The following PTPRD variants were observed in gnomAD, a reference collection of about 807,000 sequenced individuals.
The protein encoded by PTPRD is protein tyrosine phosphatase receptor type D.
PTPRD carries 34 observed loss-of-function variants against 214.5 expected under a neutral mutation model. The observed-to-expected ratio is 0.16, with a 90% CI of 0.12 to 0.21. The LOEUF is 0.21. PTPRD is among the 10% of genes least tolerant of loss of function. The pLI, the probability that PTPRD is intolerant of heterozygous loss-of-function variation, is 1.00. For synonymous variants in PTPRD, 1,128 were observed against 845.7 expected (o/e 1.33, Z -5.79); for missense variants, 2,545 against 2,398.7 (o/e 1.06, Z -1.27).
At chr9:9,395,535 G>A (rs1474145447) in intron 9 of PTPRD, among the ~76,000 whole-genome samples, 1 of 152,052 alleles carries the variant, frequency 6.6e-6, no homozygotes, top group Admixed American at 6.6e-5. Context: ...CTACTTCCAT[G>A]GCCTTCTTCA....
intron 8 of PTPRD, among the ~76,000 whole-genome samples, chr9:9,512,072 C>T (rs539149082): frequency 6.6e-6 from 1 of 151,622 alleles, no homozygotes; most frequent in Non-Finnish European, 1.5e-5. Context: ...TTCTATGGAG[C>T]CAGAGATATG....
chr9:9,195,733 G>A (rs1337449608), intron 9 of PTPRD, among the ~76,000 whole-genome samples: 4 of 148,062 alleles, frequency 2.7e-5, no homozygotes, highest in African/African-American at 9.9e-5. Context: ...AAAAAAAAGT[G>A]TATACAAAGA....
chr9:8,510,415 T>C (rs771476807), intron 21 of PTPRD, among the ~76,000 whole-genome samples: 1 of 152,046 alleles, frequency 6.6e-6, no homozygotes, highest in South Asian at 2.1e-4. Flanking sequence ...CGGTGGAGAG[T>C]GCCCACCACC....
At chr9:8,410,719 G>A (rs1338397671) in intron 35 of PTPRD, among the ~76,000 whole-genome samples, 1 of 152,030 alleles carries the variant, frequency 6.6e-6, no homozygotes, top group South Asian at 2.1e-4. Context: ...TAAAATTCTG[G>A]CTTCAGATAA....
At chr9:8,649,004 C>G (rs1411892889) in intron 12 of PTPRD, among the ~76,000 whole-genome samples, 1 of 152,094 alleles carries the variant, frequency 6.6e-6, no homozygotes, top group East Asian at 1.9e-4. Flanking sequence ...CAAATTGGGT[C>G]ACACAGGAAA....
intron 11 of PTPRD, among the ~76,000 whole-genome samples, chr9:8,809,577 A>T (rs1600509252): frequency 6.6e-6 from 1 of 152,144 alleles, no homozygotes; most frequent in East Asian, 1.9e-4. Flanking sequence ...TTAGTCCTCA[A>T]AGATATTATT....
At chr9:9,770,497 T>G (rs544506538) in intron 5 of PTPRD, among the ~76,000 whole-genome samples, 6 of 152,316 alleles carry the variant, frequency 3.9e-5, no homozygotes, top group African/African-American at 1.4e-4. Context: ...GTTCAGTGCC[T>G]TGAAATAAAA....
chr9:8,646,672 C>T (rs573069731), intron 12 of PTPRD, among the ~76,000 whole-genome samples: 19 of 152,172 alleles, frequency 1.2e-4, no homozygotes, highest in African/African-American at 2.7e-4. Flanking sequence ...TCCCCTATCA[C>T]GCTTTCTGTA....
chr9:9,960,330 G>A (rs2094271829), intron 4 of PTPRD, among the ~76,000 whole-genome samples: 1 of 151,794 alleles, frequency 6.6e-6, no homozygotes, highest in South Asian at 2.1e-4. Context: ...GAGGTGATGA[G>A]GAAAACAACC....
intron 5 of PTPRD, among the ~76,000 whole-genome samples, chr9:9,888,667 T>C (rs1008631633): frequency 2.6e-5 from 4 of 152,148 alleles, no homozygotes; most frequent in Non-Finnish European, 5.9e-5. Context: ...GAGCGAAAGC[T>C]TCCTGAAGCC....
intron 8 of PTPRD, among the ~76,000 whole-genome samples, chr9:9,538,527 T>C (rs2076957526): frequency 6.6e-6 from 1 of 151,892 alleles, no homozygotes. Context: ...CTGCCATCCT[T>C]TGATTGATCA....
intron 8 of PTPRD, among the ~76,000 whole-genome samples, chr9:9,442,992 T>C (rs1307383783): frequency 6.6e-6 from 1 of 152,206 alleles, no homozygotes; most frequent in African/African-American, 2.4e-5. Context: ...TGTGTGTATT[T>C]GCTTTTCTTA....
At chr9:8,695,463 T>A (rs2097892450) in intron 12 of PTPRD, among the ~76,000 whole-genome samples, 1 of 151,978 alleles carries the variant, frequency 6.6e-6, no homozygotes, top group African/African-American at 2.4e-5. Flanking sequence ...GGGTCAATGT[T>A]ATAGGCAAGC....
intron 9 of PTPRD, among the ~76,000 whole-genome samples, chr9:9,217,130 G>A (rs890517562): frequency 2.6e-5 from 4 of 152,010 alleles, no homozygotes; most frequent in Admixed American, 6.6e-5. Flanking sequence ...AGATTCCACT[G>A]GGAGGCTGTA....
intron 11 of PTPRD, among the ~76,000 whole-genome samples, chr9:8,763,925 G>A (rs2094554065): frequency 6.6e-6 from 1 of 152,072 alleles, no homozygotes. Flanking sequence ...AGACAAGACT[G>A]AACTATTCTC....
chr9:8,433,940 C>T (rs866570546), intron 35 of PTPRD, among the ~76,000 whole-genome samples: 1 of 152,112 alleles, frequency 6.6e-6, no homozygotes. Context: ...GTCTTGCAAG[C>T]TCCATTCATG....
At chr9:9,823,015 T>G (rs979677338) in intron 5 of PTPRD, among the ~76,000 whole-genome samples, 3 of 152,092 alleles carry the variant, frequency 2.0e-5, no homozygotes, top group Non-Finnish European at 2.9e-5. Context: ...GTTTCTACAC[T>G]CTCCAATTTA....
At chr9:10,365,239 G>A (rs555239872) in intron 2 of PTPRD, among the ~76,000 whole-genome samples, 3 of 152,148 alleles carry the variant, frequency 2.0e-5, no homozygotes, top group East Asian at 3.9e-4. Context: ...CCACTTGCAG[G>A]TTAAAAAATG....
chr9:9,624,281 G>C (rs112355118), intron 7 of PTPRD, among the ~76,000 whole-genome samples: 5 of 147,358 alleles, frequency 3.4e-5, no homozygotes, highest in Non-Finnish European at 7.5e-5. Context: ...TTTTTTTTTT[G>C]TTTGTTTGTT....
Sources: allele counts gnomAD v4.1 joint callset (sites outside exome capture counted in the v4.1 genomes callset), GRCh38; gene constraint gnomAD v4.1.1; transcripts MANE v1.5; gene names NCBI Gene and HGNC (gene_info 2026-07-23, HGNC 2026-07-21).